Variants in CAPRIN2 observed in about 807,000 individuals in gnomAD.
CAPRIN2 encodes caprin family member 2.
CAPRIN2 carries 66 observed loss-of-function variants against 130.4 expected under a neutral mutation model. The observed-to-expected ratio is 0.51, with a 90% confidence interval of 0.42 to 0.62. The LOEUF (loss-of-function observed/expected upper bound fraction) is 0.62, where lower values mean the gene tolerates loss of function less well. Among genes scored for constraint, CAPRIN2 ranks in the 20% least tolerant of loss-of-function variants. CAPRIN2 has a pLI of 0.00. For synonymous variants in CAPRIN2, 471 were observed against 444.1 expected (o/e 1.06, Z -0.76); for missense variants, 1,185 against 1,246.6 (o/e 0.95, Z 0.74).
chr12:30,709,890 C>T, exon 17 of CAPRIN2: 1 of 1,594,766 alleles, frequency 6.3e-7, no homozygotes, highest in Non-Finnish European at 8.6e-7. Flanking sequence ...ATTGTCAATA[C>T]TGTACTGACT....
At chr12:30,732,054 ATAT>A (rs960022128) in intron 5 of CAPRIN2, among the ~76,000 whole-genome samples, 2 of 151,950 alleles carry the variant, frequency 1.3e-5, no homozygotes, top group African/African-American at 2.4e-5. Context: ...TAGATTACTA[ATAT>A]TATTAATCTA....
chr12:30,725,910 T>A, intron 9 of CAPRIN2, 56 bp downstream of exon 10: 2 of 1,378,878 alleles, frequency 1.5e-6, no homozygotes, highest in Non-Finnish European at 1.9e-6. Context: ...TTCACTGTAA[T>A]GTTTCCAGTC....
chr12:30,747,366 G>T (rs999421414), intron 2 of CAPRIN2, among the ~76,000 whole-genome samples: 1 of 152,082 alleles, frequency 6.6e-6, no homozygotes, highest in Non-Finnish European at 1.5e-5. Context: ...GAGTAATTTT[G>T]ACTTTCACGT....
At chr12:30,750,555 C>G (rs1281408788) in intron 2 of CAPRIN2, among the ~76,000 whole-genome samples, 2 of 150,562 alleles carry the variant, frequency 1.3e-5, no homozygotes, top group Non-Finnish European at 3.0e-5. Flanking sequence ...TTTTAAAGGC[C>G]AGATATCTAT....
rs1256465948 is a variant in CAPRIN2 at position 30,710,581 on chromosome 12, C to T, written c.2666-111G>A. 1 of 1,510,838 alleles carries T rather than the reference C, an allele frequency of 6.6e-7. No homozygotes were observed. Among genetic ancestry groups the T allele is most frequent in the African/African-American group, 1.4e-5 (1 of 71,818 alleles). The allele number at this position is 1,510,838 out of a possible 1,614,324, so 93.6% of individuals were successfully genotyped here. On this transcript the variant is annotated intron_variant, in intron 16 of 16. Transcript: ENST00000298892. This position sits in a 1 kb window ranked among gnomAD's most constrained non-coding sequence, Gnocchi z 4.8. ...ACAAAGATACATTTTATAGTAAATT[C>T]CAAAACAAAAGCAATATATAGCTAG...
At chr12:30,732,818 T>C (rs1336677620) in intron 5 of CAPRIN2, among the ~76,000 whole-genome samples, 1 of 152,104 alleles carries the variant, frequency 6.6e-6, no homozygotes, top group Non-Finnish European at 1.5e-5. Flanking sequence ...AACATTCATG[T>C]ACAAGTACTT....
intron 8 of CAPRIN2, among the ~76,000 whole-genome samples, chr12:30,726,543 C>A (rs1057156697): frequency 6.6e-6 from 1 of 152,070 alleles, no homozygotes. Flanking sequence ...CATACACATA[C>A]CCTAAAATTG....
In CAPRIN2 at chr12:30,716,646, G is replaced by A. The variant is rs1204939518; in HGVS notation, c.2179C>T (p.Arg727Ter). 3.7e-6 allele frequency: 6 copies of A among 1,613,732 alleles called. No individual in the cohort carries two copies. Among genetic ancestry groups the A allele is most frequent in the South Asian group, 2.2e-5 (2 of 91,082 alleles). ...GATTCTTTTATTTCTTGTTCTTTTC[G>A]TGGAGGCAGAGGTGCATTAACGTTA... Residue 727 changes from arginine to a stop codon, truncating the protein, a stop_gained, in exon 13 of 17, where the codon CGA becomes TGA. Transcript: ENST00000298892. LOFTEE classifies it high-confidence loss of function.
exon 1 of CAPRIN2, chr12:30,753,835 G>A (rs935335588): frequency 2.1e-6 from 3 of 1,443,996 alleles, no homozygotes; most frequent in Non-Finnish European, 2.8e-6. Flanking sequence ...TCCCAATACG[G>A]AGGATGTTTC....
chr12:30,720,950 C>T, intron 11 of CAPRIN2, 35 bp from the exon 13 acceptor site: 5 of 1,436,588 alleles, frequency 3.5e-6, no homozygotes, highest in Non-Finnish European at 2.9e-6. Flanking sequence ...TTGTAAAAGG[C>T]ACATTTTGTT....
intron 3 of CAPRIN2, among the ~76,000 whole-genome samples, chr12:30,737,110 T>C (rs576652714): frequency 4.9e-4 from 74 of 152,132 alleles, no homozygotes; most frequent in African/African-American, 1.7e-3. Context: ...GCTCAAGTGA[T>C]CCTCCCACCT....
At chr12:30,721,570 G>C (rs2059414117) in intron 11 of CAPRIN2, among the ~76,000 whole-genome samples, 1 of 152,168 alleles carries the variant, frequency 6.6e-6, no homozygotes, top group African/African-American at 2.4e-5. Context: ...GAGTGGCTAG[G>C]AAAGAATTCT....
chr12:30,715,398 A>G, intron 13 of CAPRIN2: 2 of 565,898 alleles, frequency 3.5e-6, no homozygotes, highest in Non-Finnish European at 6.7e-6. Flanking sequence ...AGACATGCCA[A>G]GTAAAATAAG....
upstream of CAPRIN2, chr12:30,754,735 C>T (rs912191617): frequency 5.8e-5 from 9 of 154,068 alleles, no homozygotes; most frequent in Admixed American, 5.3e-4. Context: ...CCGAGGCCGC[C>T]GCAGCCCGAC....
chr12:30,736,244 C>T (rs1342652530), intron 3 of CAPRIN2, among the ~76,000 whole-genome samples: 1 of 151,810 alleles, frequency 6.6e-6, no homozygotes, highest in Non-Finnish European at 1.5e-5. Flanking sequence ...TAAAGTCTGA[C>T]ATAATATTCA....
chr12:30,714,856 G>A (rs903106461), intron 14 of CAPRIN2, 103 bp downstream of exon 16: 21 of 836,756 alleles, frequency 2.5e-5, no homozygotes, highest in East Asian at 4.9e-5. Context: ...TCTCTACTAC[G>A]TTGCAAATGA....
chr12:30,717,334 A>G (rs1001311850), intron 12 of CAPRIN2, among the ~76,000 whole-genome samples: 6 of 152,226 alleles, frequency 3.9e-5, no homozygotes, highest in Admixed American at 2.6e-4. Context: ...ATACAAAAGG[A>G]AAAATGTTGT....
Position 30,733,618 on chromosome 12 carries a change from A to G in CAPRIN2, c.892+11T>C. 4.4e-6 allele frequency: 7 copies of G among 1,591,406 alleles called. No individual in the cohort carries two copies. Among genetic ancestry groups the G allele is most frequent in the South Asian group, 1.1e-5 (1 of 90,606 alleles). ...TATTTACTGCATAAGTCCAGAGTAG[A>G]GAAAACTCACATGTCGTTCCTACCA... On this transcript the variant is annotated intron_variant, in intron 5 of 16. Coordinates refer to ENST00000298892, the Ensembl canonical transcript of CAPRIN2.
chr12:30,712,274 G>T (rs1438061801), intron 15 of CAPRIN2, among the ~76,000 whole-genome samples: 1 of 152,114 alleles, frequency 6.6e-6, no homozygotes, highest in African/African-American at 2.4e-5. Flanking sequence ...AACAGGACAA[G>T]AAGGTACACA....
Sources: allele counts gnomAD v4.1 joint callset (sites outside exome capture counted in the v4.1 genomes callset), GRCh38; gene constraint gnomAD v4.1.1; non-coding constraint Gnocchi (gnomAD v3.1); transcripts MANE v1.5; gene names NCBI Gene and HGNC (gene_info 2026-07-23, HGNC 2026-07-21).